Variants in RPA3 observed in about 807,000 individuals in gnomAD.
RPA3 encodes the protein replication protein A3, also known as replication protein A 14 kDa subunit.
RPA3 carries 24 observed loss-of-function variants against 13.7 expected under a neutral mutation model. That is an observed-to-expected ratio of 1.75 (90% confidence interval 1.27 to 2.46). RPA3 has a LOEUF of 2.46. Among genes scored for constraint, RPA3 ranks in the 30% most tolerant of loss-of-function variants. The probability of loss-of-function intolerance (pLI) is 0.00; values close to 1 mark genes in which losing one functional copy is unlikely to be tolerated. For missense variants in RPA3, 183 were observed against 151.0 expected (o/e 1.21, Z -1.11); for synonymous variants, 59 against 51.2 (o/e 1.15, Z -0.65).
In RPA3 at chr7:7,709,197, T is replaced by C. The variant is rs570472694; in HGVS notation, c.-1028+5978A>G. 2.0e-5 allele frequency among the ~76,000 whole-genome samples: 3 copies of C among 152,346 alleles called. No individual in the cohort carries two copies. The South Asian group carries it at 6.2e-4, about 32-fold the overall frequency. ...AATTGACTGTCTTTGTTTTCCTATC[T>C]GTGTGCTGAGATTTATCTCAATTAT... On this transcript the variant is annotated intron_variant, in intron 2 of 7. Transcript: ENST00000223129.
intron 4 of RPA3, among the ~76,000 whole-genome samples, chr7:7,656,315 T>A (rs539477486): frequency 1.1e-4 from 16 of 150,744 alleles, no homozygotes; most frequent in African/African-American, 2.7e-4. Context: ...TTTAAAAAAA[T>A]TTTTTTTTTG....
intron 4 of RPA3, among the ~76,000 whole-genome samples, chr7:7,652,549 G>A (rs750792309): frequency 6.6e-6 from 1 of 152,228 alleles, no homozygotes; most frequent in Non-Finnish European, 1.5e-5. Flanking sequence ...TTTTATACAG[G>A]ACTTAGCACC....
At chr7:7,674,089 G>A (rs1033064572) in intron 4 of RPA3, among the ~76,000 whole-genome samples, 2 of 152,150 alleles carry the variant, frequency 1.3e-5, no homozygotes, top group Non-Finnish European at 2.9e-5. Flanking sequence ...GCTCTTCCCA[G>A]AAATTCTCTT....
chr7:7,643,587 C>G (rs1785024537), intron 4 of RPA3, among the ~76,000 whole-genome samples: 1 of 152,090 alleles, frequency 6.6e-6, no homozygotes, highest in African/African-American at 2.4e-5. Flanking sequence ...TGGCGGGGGC[C>G]TGTAGTCCCA....
At chr7:7,669,477 A>G (rs1779551796) in intron 4 of RPA3, among the ~76,000 whole-genome samples, 1 of 152,212 alleles carries the variant, frequency 6.6e-6, no homozygotes. Context: ...TATGAAAAGA[A>G]TATCATGGGA....
chr7:7,658,387 C>T (rs948051132), intron 4 of RPA3, among the ~76,000 whole-genome samples: 14 of 152,318 alleles, frequency 9.2e-5, no homozygotes, highest in African/African-American at 3.4e-4. Context: ...TTGCCTTGTG[C>T]CAGTTTTCAA....
intron 1 of RPA3, among the ~76,000 whole-genome samples, chr7:7,717,100 A>T (rs1302783414): frequency 1.4e-5 from 2 of 138,264 alleles, no homozygotes; most frequent in Admixed American, 7.6e-5. Context: ...TCTGTTGCCC[A>T]GGCTGGAGTG....
At chr7:7,666,298 G>A (rs992101113) in intron 4 of RPA3, among the ~76,000 whole-genome samples, 8 of 151,936 alleles carry the variant, frequency 5.3e-5, no homozygotes, top group Admixed American at 2.6e-4. Flanking sequence ...CGACATCCTG[G>A]TCTCAAGCAA....
chr7:7,656,077 C>T (rs1413114374), intron 4 of RPA3, among the ~76,000 whole-genome samples: 1 of 152,030 alleles, frequency 6.6e-6, no homozygotes, highest in Admixed American at 6.5e-5. Context: ...TCAGGTGATC[C>T]GCCTGCCTCT....
intron 4 of RPA3, among the ~76,000 whole-genome samples, chr7:7,665,716 C>T (rs1360271436): frequency 6.6e-6 from 1 of 152,132 alleles, no homozygotes; most frequent in African/African-American, 2.4e-5. Context: ...CCCCAGGCAA[C>T]CTCTGATATA....
At chr7:7,637,748 TTATGTAATTACATA>T (rs1583678944) in intron 7 of RPA3, 102 bp downstream of exon 7, 1 of 510,516 alleles carries the variant, frequency 2.0e-6, no homozygotes, top group African/African-American at 1.9e-5. Context: ...AAACTGTATG[TTATGTAATTACATA>T]CAGTTATATA....
intron 4 of RPA3, among the ~76,000 whole-genome samples, chr7:7,670,061 A>G (rs1490678060): frequency 6.6e-6 from 1 of 152,218 alleles, no homozygotes; most frequent in Non-Finnish European, 1.5e-5. Flanking sequence ...GTTTTAGGTC[A>G]TTAAAAATTT....
chr7:7,659,872 C>T (rs938833412), intron 4 of RPA3, among the ~76,000 whole-genome samples: 19 of 152,184 alleles, frequency 1.2e-4, no homozygotes, highest in East Asian at 7.7e-4. Flanking sequence ...TTTTCTGTCT[C>T]GTTGATGTAT....
Position 7,712,051 on chromosome 7 carries a change from A to G in RPA3, c.-1028+3124T>C, listed in dbSNP as rs114799368. ...ATCTTCCAAGCTTACTCTTACATATATAGTATCTTTGGTTCTCCTACTTTA... is the reference window on the plus strand; with the variant it reads ...ATCTTCCAAGCTTACTCTTACATATGTAGTATCTTTGGTTCTCCTACTTTA... On this transcript the variant is annotated intron_variant, in intron 2 of 7. Transcript: ENST00000223129. Among the ~76,000 whole-genome samples, 290 of 152,182 alleles carry G rather than the reference A, an allele frequency of 1.9e-3. 3 individuals are homozygous for G. The highest frequency in any genetic ancestry group is 6.8e-3 in the African/African-American group (281 of 41,542).
intron 4 of RPA3, among the ~76,000 whole-genome samples, chr7:7,665,101 A>G (rs1238601841): frequency 1.3e-5 from 2 of 152,172 alleles, no homozygotes; most frequent in Non-Finnish European, 2.9e-5. Flanking sequence ...ATTTTAGTCT[A>G]TTTGATATAT....
At chr7:7,701,511 T>C (rs1476791710) in intron 2 of RPA3, among the ~76,000 whole-genome samples, 1 of 152,250 alleles carries the variant, frequency 6.6e-6, no homozygotes, top group Non-Finnish European at 1.5e-5. Flanking sequence ...CTTGTAAATC[T>C]GTGCTGCTTT....
intron 4 of RPA3, among the ~76,000 whole-genome samples, chr7:7,678,742 GTTTATAAATATATATTTATATA>G (rs2115117519): frequency 8.6e-6 from 1 of 116,122 alleles, no homozygotes; most frequent in Admixed American, 9.2e-5. Context: ...TATATATTTA[GTTTATAAATATATATTTATATA>G]TTTAGTTTAT....
chr7:7,677,919 C>T (rs369152073), intron 4 of RPA3, among the ~76,000 whole-genome samples: 8 of 151,740 alleles, frequency 5.3e-5, no homozygotes, highest in Admixed American at 1.3e-4. Context: ...GTGATCCGCC[C>T]GCCTCGGCCT....
chr7:7,703,512 T>A (rs867424807), intron 2 of RPA3, among the ~76,000 whole-genome samples: 7 of 152,238 alleles, frequency 4.6e-5, no homozygotes, highest in Admixed American at 1.3e-4. Flanking sequence ...TTTATAAACA[T>A]CTTTTTGTAA....
Sources: allele counts gnomAD v4.1 joint callset (sites outside exome capture counted in the v4.1 genomes callset), GRCh38; gene constraint gnomAD v4.1.1; transcripts MANE v1.5; gene names NCBI Gene and HGNC (gene_info 2026-07-23, HGNC 2026-07-21).